The following DLGAP1 variants were observed in gnomAD, a reference collection of about 807,000 sequenced individuals.
The protein encoded by DLGAP1 is DLG associated protein 1.
In DLGAP1, 11 loss-of-function variants were observed where a neutral mutation model predicts 90.8. That is an observed-to-expected ratio of 0.12 (90% CI 0.08 to 0.20). The LOEUF (loss-of-function observed/expected upper bound fraction) is 0.20, where lower values mean the gene tolerates loss of function less well. DLGAP1 is among the 10% of genes least tolerant of loss of function. The pLI, the probability that DLGAP1 is intolerant of heterozygous loss-of-function variation, is 1.00. For missense variants in DLGAP1, 1,050 were observed against 1,333.8 expected, an observed-to-expected ratio of 0.79 and a Z score of 3.31; for synonymous variants, 558 against 540.7, an observed-to-expected ratio of 1.03 and a Z score of -0.44.
rs1490173151 is a variant in DLGAP1, at chr18:3,600,945, T to C, written c.1592-18697A>G. Reference sequence around the variant, plus strand: ...AGATATATATAGATATATAGATAGATATATAGATATATATAGATATATAGA... The same window carrying C: ...AGATATATATAGATATATAGATAGACATATAGATATATATAGATATATAGA... On this transcript the variant is annotated intron_variant, in intron 7 of 12. Transcript: ENST00000315677. Among the ~76,000 whole-genome samples, 2 of 96,232 alleles carry C rather than the reference T, an allele frequency of 2.1e-5. 1 individual carries two copies. The highest frequency in any genetic ancestry group is 4.3e-5 in the Non-Finnish European group (2 of 46,158). 63.1% of individuals were successfully genotyped at this position (96,232 alleles called of 152,430 possible). A position where few individuals can be genotyped will look rare whatever the true frequency, so the allele number is the denominator to read the frequency against.
At chr18:4,416,957 A>G (rs1048234863) in intron 1 of DLGAP1, among the ~76,000 whole-genome samples, 2 of 152,212 alleles carry the variant, frequency 1.3e-5, no homozygotes, top group African/African-American at 4.8e-5. Context: ...CTTGATATAT[A>G]TATTCAGTAG....
chr18:4,097,526 A>C (rs2075703445), intron 2 of DLGAP1, among the ~76,000 whole-genome samples: 1 of 152,178 alleles, frequency 6.6e-6, no homozygotes, highest in Admixed American at 6.5e-5. Context: ...TTCTGCCTCC[A>C]GACACCTCAC....
intron 1 of DLGAP1, among the ~76,000 whole-genome samples, chr18:4,190,538 A>G (rs182931111): frequency 6.6e-6 from 1 of 152,278 alleles, no homozygotes; most frequent in African/African-American, 2.4e-5. Flanking sequence ...GTGAATATTT[A>G]TGTATTAATA....
chr18:3,536,764 A>C (rs1474341499), intron 9 of DLGAP1, among the ~76,000 whole-genome samples: 1 of 152,166 alleles, frequency 6.6e-6, no homozygotes, highest in African/African-American at 2.4e-5. Context: ...ATGGATGTCC[A>C]TGAGATCAGT....
intron 2 of DLGAP1, among the ~76,000 whole-genome samples, chr18:4,036,903 CT>C (rs1351559875): frequency 6.6e-6 from 1 of 152,292 alleles, no homozygotes; most frequent in East Asian, 1.9e-4. Flanking sequence ...ATATTCTATC[CT>C]TCAAACTCTG....
At chr18:3,791,805 G>A (rs1023135824) in intron 5 of DLGAP1, among the ~76,000 whole-genome samples, 4 of 152,136 alleles carry the variant, frequency 2.6e-5, no homozygotes, top group Non-Finnish European at 4.4e-5. Flanking sequence ...TCACCTACTC[G>A]GGAGGCTGAG....
intron 7 of DLGAP1, among the ~76,000 whole-genome samples, chr18:3,583,072 T>G (rs1234007626): frequency 2.6e-5 from 4 of 151,900 alleles, no homozygotes; most frequent in African/African-American, 4.8e-5. Flanking sequence ...CACATAGAAG[T>G]GCTGGGATTA....
intron 5 of DLGAP1, among the ~76,000 whole-genome samples, chr18:3,748,573 G>A (rs1228553733): frequency 4.6e-5 from 7 of 152,164 alleles, no homozygotes; most frequent in Non-Finnish European, 1.0e-4. Context: ...GGAATGTAAG[G>A]CTCTTCCATG....
intron 1 of DLGAP1, among the ~76,000 whole-genome samples, chr18:4,386,051 C>T (rs1389148377): frequency 6.6e-6 from 1 of 152,060 alleles, no homozygotes. Flanking sequence ...AATGAAGTGT[C>T]ACATTTAAGG....
At chr18:4,301,023 G>A (rs887889519) in intron 1 of DLGAP1, among the ~76,000 whole-genome samples, 2 of 152,020 alleles carry the variant, frequency 1.3e-5, no homozygotes, top group African/African-American at 4.8e-5. Context: ...AGTTGTAGAT[G>A]TTTATGGGAT....
intron 7 of DLGAP1, among the ~76,000 whole-genome samples, chr18:3,664,633 A>G (rs1012739653): frequency 2.1e-4 from 32 of 152,174 alleles, no homozygotes; most frequent in African/African-American, 7.5e-4. Flanking sequence ...CTTTGTTACA[A>G]TAGATCCTCC....
chr18:4,269,337 T>C (rs1045956576), intron 1 of DLGAP1, among the ~76,000 whole-genome samples: 11 of 133,822 alleles, frequency 8.2e-5, no homozygotes, highest in Non-Finnish European at 1.4e-4. Context: ...TATATACATA[T>C]ATATATATAT....
In DLGAP1 at chr18:3,714,597, C is replaced by T. The variant is rs1259173824; in HGVS notation, c.1591+14538G>A. ...TGTTGCACACATTCAGCTTGACTGC[C>T]ACAGCATACTAATAGGTTTAAAAGA... is the stretch of plus-strand genomic sequence containing the variant. On this transcript the variant is annotated intron_variant, in intron 7 of 12. Coordinates refer to ENST00000315677, the MANE Select transcript of DLGAP1 (RefSeq NM_004746.4). 3.3e-5 allele frequency among the ~76,000 whole-genome samples: 5 copies of T among 151,596 alleles called. 1 individual carries two copies. Among genetic ancestry groups the T allele is most frequent in the Non-Finnish European group, 7.4e-5 (5 of 67,980 alleles).
At chr18:4,246,905 A>G (rs2078664129) in intron 1 of DLGAP1, among the ~76,000 whole-genome samples, 1 of 152,214 alleles carries the variant, frequency 6.6e-6, no homozygotes, top group African/African-American at 2.4e-5. Context: ...TGGGAATAAG[A>G]TACCAATTCT....
At chr18:3,500,915 C>CTATTAT (rs147460403) in intron 12 of DLGAP1, among the ~76,000 whole-genome samples, 1 of 151,368 alleles carries the variant, frequency 6.6e-6, no homozygotes, top group African/African-American at 2.4e-5. Context: ...ACAATGATTA[C>CTATTAT]TATTATTATT....
chr18:4,298,962 T>C (rs2080055064), intron 1 of DLGAP1, among the ~76,000 whole-genome samples: 1 of 151,420 alleles, frequency 6.6e-6, no homozygotes, highest in African/African-American at 2.4e-5. Context: ...GCGCCTGTAG[T>C]CCCAGCTACT....
chr18:4,331,910 A>C (rs1315507405), intron 1 of DLGAP1, among the ~76,000 whole-genome samples: 1 of 151,938 alleles, frequency 6.6e-6, no homozygotes, highest in African/African-American at 2.4e-5. Flanking sequence ...ACAAGATGTC[A>C]GACACTAAGC....
chr18:3,879,632 T>C lies in DLGAP1; in HGVS notation c.437A>G (p.Gln146Arg). ...GGAGTGCGACTTGGTGAAGAGCTTC[T>C]GGACCGAGTGCACCAGGTGGCGGAT... is the stretch of plus-strand genomic sequence containing the variant. Reference protein sequence around the residue: ...GRIRHLVHSVQKLFTKSHSLE... With the variant: ...GRIRHLVHSVRKLFTKSHSLE... The change falls in exon 4 of 13, where the codon CAG becomes CGG. Residue 146 changes from glutamine (Q) to arginine (R), a missense_variant. Coordinates refer to ENST00000315677, the MANE Select transcript of DLGAP1 (RefSeq NM_004746.4). This position sits in a 1 kb window ranked among gnomAD's most constrained non-coding sequence, Gnocchi z 6.6. 1 of 1,604,956 alleles carries C rather than the reference T, an allele frequency of 6.2e-7. No homozygotes were observed. Among genetic ancestry groups the C allele is most frequent in the Non-Finnish European group, 8.5e-7 (1 of 1,179,154 alleles).
intron 3 of DLGAP1, among the ~76,000 whole-genome samples, chr18:3,956,947 CT>C (rs1408084565): frequency 6.6e-6 from 1 of 152,214 alleles, no homozygotes; most frequent in Non-Finnish European, 1.5e-5. Flanking sequence ...CCACCACACT[CT>C]GCCAACATTT....
Sources: gnomAD v4.1 joint callset for allele counts (sites outside exome capture counted in the v4.1 genomes callset) on GRCh38, gnomAD v4.1.1 for gene constraint, Gnocchi (gnomAD v3.1) non-coding constraint, MANE v1.5 for transcripts, NCBI Gene and HGNC (gene_info 2026-07-23, HGNC 2026-07-21) for gene names.